KIF21A: variants seen among roughly 807,000 people sequenced by gnomAD.
KIF21A encodes kinesin family member 21A, also known as kinesin-like protein KIF21A.
Under a neutral mutation model 202.9 loss-of-function variants are expected in KIF21A, and 114 were observed. That is an observed-to-expected ratio of 0.56 (90% CI 0.48 to 0.66). The LOEUF (loss-of-function observed/expected upper bound fraction) is 0.66. Among genes scored for constraint, KIF21A ranks in the 30% least tolerant of loss-of-function variants. The pLI is 0.00. For missense variants in KIF21A, 1,677 were observed against 1,994.9 expected, an observed-to-expected ratio of 0.84 and a Z score of 3.04; for synonymous variants, 667 against 670.8, an observed-to-expected ratio of 0.99 and a Z score of 0.09.
chr12:39,341,563 T>G lies in KIF21A; in HGVS notation c.1863A>C (p.Glu621Asp). The G allele has an allele frequency of 6.2e-7, 1 of 1,605,088 alleles. No individual in the cohort carries two copies. Among genetic ancestry groups the G allele is most frequent in the Non-Finnish European group, 8.5e-7 (1 of 1,172,886 alleles). The change falls in exon 14 of 38, where the codon GAA becomes GAC. Residue 621 changes from glutamate (E) to aspartate (D), a missense_variant. By Grantham distance (45) the Glu-to-Asp change is conservative. Around this residue, in one of 3 missense-constraint regions of KIF21A, gnomAD observed 966 missense variants for 1,180.9 expected, o/e 0.82. Coordinates refer to ENST00000361418, the MANE Select transcript of KIF21A (RefSeq NM_001173464.2). ...AACTTTCACCCCCATCAATGTCATC[T>G]TCCTCCTCCTCCTCCTCCTCTTCTT... The part of the protein sequence containing the change: ...EDEEEEEEEE[E>D]DDIDGGESSD...
At chr12:39,419,463 G>A (rs1954062801) in intron 1 of KIF21A, among the ~76,000 whole-genome samples, 1 of 152,088 alleles carries the variant, frequency 6.6e-6, no homozygotes, top group African/African-American at 2.4e-5. Flanking sequence ...CTATGTGAAG[G>A]AACCATACTG....
rs1565856156 is a variant in KIF21A at position 39,340,154 on chromosome 12, AT to A, written c.2310+10del. The stretch of plus-strand genomic sequence containing the variant: ...GAACATCAAACGTTAATGGAAAAAA[AT>A]AATCAATACCTTTGTTTTTTTCATT... On this transcript the variant is annotated intron_variant, in intron 16 of 37. Transcript: ENST00000361418. 20 of 1,605,856 alleles carry A rather than the reference AT, an allele frequency of 1.2e-5. No individual in the cohort carries two copies. The highest frequency in any genetic ancestry group is 2.2e-5 in the East Asian group (1 of 44,730).
chr12:39,374,576 G>C (rs1024337981), intron 1 of KIF21A, among the ~76,000 whole-genome samples: 1 of 152,070 alleles, frequency 6.6e-6, no homozygotes, highest in Non-Finnish European at 1.5e-5. Context: ...ATGATTCTTT[G>C]AAGACAGAGA....
chr12:39,362,087 G>A (rs939454206), intron 7 of KIF21A, among the ~76,000 whole-genome samples: 1 of 152,070 alleles, frequency 6.6e-6, no homozygotes, highest in Non-Finnish European at 1.5e-5. Flanking sequence ...TCCTGCTCCA[G>A]CCCTGTAAAG....
intron 1 of KIF21A, among the ~76,000 whole-genome samples, chr12:39,425,311 C>T (rs1020626579): frequency 1.3e-5 from 2 of 151,564 alleles, no homozygotes; most frequent in African/African-American, 4.8e-5. Flanking sequence ...GTCTTGCTCA[C>T]ATCTGTACCC....
At chr12:39,330,027 G>C (rs1946371864) in intron 24 of KIF21A, 6 of 473,826 alleles carry the variant, frequency 1.3e-5, no homozygotes, top group Non-Finnish European at 2.3e-5. Context: ...ACTAACAAAA[G>C]CATACTTCTT....
At chr12:39,371,720 A>G (rs976542044) in intron 1 of KIF21A, among the ~76,000 whole-genome samples, 1 of 152,172 alleles carries the variant, frequency 6.6e-6, no homozygotes, top group African/African-American at 2.4e-5. Flanking sequence ...GCTTGAGGTC[A>G]GGAGTTTCAG....
At chr12:39,390,081 G>A (rs1226614297) in intron 1 of KIF21A, among the ~76,000 whole-genome samples, 1 of 152,098 alleles carries the variant, frequency 6.6e-6, no homozygotes, top group East Asian at 1.9e-4. Flanking sequence ...ATTCATCGTT[G>A]TATCTCTTCT....
intron 37 of KIF21A, among the ~76,000 whole-genome samples, chr12:39,298,981 A>T (rs940920510): frequency 6.6e-6 from 1 of 152,216 alleles, no homozygotes; most frequent in African/African-American, 2.4e-5. Context: ...CATAGTAAGC[A>T]CTATATAAAT....
At chr12:39,314,860 T>G (rs575365427) in intron 31 of KIF21A, among the ~76,000 whole-genome samples, 1 of 152,042 alleles carries the variant, frequency 6.6e-6, no homozygotes, top group South Asian at 2.1e-4. Flanking sequence ...TATGTATTTT[T>G]ATGTCATTGA....
chr12:39,402,528 A>G (rs1455706729), intron 1 of KIF21A, among the ~76,000 whole-genome samples: 1 of 152,144 alleles, frequency 6.6e-6, no homozygotes, highest in Admixed American at 6.5e-5. Context: ...ATAGCAAGAC[A>G]CCTGTATTAT....
chr12:39,412,079 G>C (rs1466096914), intron 1 of KIF21A, among the ~76,000 whole-genome samples: 1 of 152,016 alleles, frequency 6.6e-6, no homozygotes, highest in African/African-American at 2.4e-5. Context: ...GACCTCAGGT[G>C]ATCCACCCGC....
intron 1 of KIF21A, among the ~76,000 whole-genome samples, chr12:39,413,320 C>T (rs1051260138): frequency 1.3e-5 from 2 of 152,152 alleles, no homozygotes; most frequent in Non-Finnish European, 2.9e-5. Flanking sequence ...TTCCTACACC[C>T]ATTTTGGAAA....
chr12:39,402,608 A>G (rs1234919954), intron 1 of KIF21A, among the ~76,000 whole-genome samples: 1 of 152,196 alleles, frequency 6.6e-6, no homozygotes, highest in Non-Finnish European at 1.5e-5. Context: ...TCCTCTACTT[A>G]GAATTTAATT....
At chr12:39,326,605 T>C (rs1232608999) in intron 24 of KIF21A, among the ~76,000 whole-genome samples, 2 of 152,202 alleles carry the variant, frequency 1.3e-5, no homozygotes. Flanking sequence ...TGGGTACATA[T>C]GAATACTGAA....
In KIF21A at chr12:39,369,791, GT is replaced by G. The variant is rs1949832885; in HGVS notation, c.387del (p.Lys129AsnfsTer3). 4.3e-6 allele frequency: 7 copies of G among 1,611,782 alleles called. No individual in the cohort carries two copies. Among genetic ancestry groups the G allele is most frequent in the Non-Finnish European group, 5.1e-6 (6 of 1,178,716 alleles). On this transcript the variant is annotated frameshift_variant, in exon 3 of 38. Coordinates refer to ENST00000361418, the MANE Select transcript of KIF21A (RefSeq NM_001173464.2). LOFTEE classifies it high-confidence loss of function. ...KHLFKSIEEKKHIAIKNGLPA... is the reference protein window; with the variant it reads ...KHLFKSIEEKXHIAIKNGLPA... Reference sequence around the variant, plus strand: ...GGAAGCCCATTTTTAATTGCTATGTGTTTTTTTTCTTCAATACTCTTAAAAA... The same window carrying G: ...GGAAGCCCATTTTTAATTGCTATGTGTTTTTTTCTTCAATACTCTTAAAAA...
chr12:39,378,478 T>C (rs1323253715), intron 1 of KIF21A, among the ~76,000 whole-genome samples: 1 of 152,190 alleles, frequency 6.6e-6, no homozygotes, highest in Non-Finnish European at 1.5e-5. Flanking sequence ...TTATTTAGCC[T>C]TTCTCCCGGA....
chr12:39,363,495 T>A (rs1949387967), intron 6 of KIF21A, among the ~76,000 whole-genome samples: 1 of 152,122 alleles, frequency 6.6e-6, no homozygotes, highest in Non-Finnish European at 1.5e-5. Context: ...CCTAGAATTA[T>A]CAGAGCATCA....
chr12:39,350,962 T>G (rs1048955857), intron 11 of KIF21A, among the ~76,000 whole-genome samples: 3 of 152,084 alleles, frequency 2.0e-5, no homozygotes, highest in African/African-American at 7.2e-5. Flanking sequence ...TAAGATGATT[T>G]TGCTTCCTTT....
Sources: allele counts gnomAD v4.1 joint callset (sites outside exome capture counted in the v4.1 genomes callset), GRCh38; gene constraint gnomAD v4.1.1; regional missense constraint gnomAD v4.1.1; transcripts MANE v1.5; gene names NCBI Gene and HGNC (gene_info 2026-07-23, HGNC 2026-07-21).